Variants in ZKSCAN7 observed in about 807,000 individuals in gnomAD.
ZKSCAN7 encodes zinc finger protein with KRAB and SCAN domains 7.
A neutral mutation model predicts 65.3 loss-of-function variants in ZKSCAN7; 38 were observed. The ratio of observed to expected loss-of-function variants is 0.58; its 90% CI spans 0.45 to 0.76. The LOEUF is 0.76. Ranked by LOEUF, ZKSCAN7 falls within the 30% of genes least tolerant of loss-of-function variation. ZKSCAN7 has a pLI of 0.00. For synonymous variants in ZKSCAN7, 321 were observed against 321.0 expected, an observed-to-expected ratio of 1.00 and a Z score of 0.00; for missense variants, 815 against 913.3, an observed-to-expected ratio of 0.89 and a Z score of 1.39.
chr3:44,565,620 A>T lies in ZKSCAN7; in HGVS notation c.557A>T (p.Asp186Val), dbSNP rs1166265224. ...APGAHLEPPY[D>V]PGTHHLPSGD... Reference sequence around the variant, plus strand: ...GGAGCCCACCTGGAGCCTCCTTATGACCCAGGGACACACCACCTCCCCAGT... The same window carrying T: ...GGAGCCCACCTGGAGCCTCCTTATGTCCCAGGGACACACCACCTCCCCAGT... Residue 186 changes from aspartate (D) to valine (V), a missense_variant, in exon 3 of 6, where the codon GAC becomes GTC. Transcript: ENST00000426540. 4 of 1,608,902 alleles carry T rather than the reference A, an allele frequency of 2.5e-6. No homozygotes were observed. The highest frequency in any genetic ancestry group is 3.4e-6 in the Non-Finnish European group (4 of 1,177,950).
chr3:44,571,508 A>G lies in ZKSCAN7; in HGVS notation c.*133A>G. ...CTACTTGCTTTTCCTTGGATCACTA[A>G]GGTGGGAGAGTAGGAGTAACTTATT... On this transcript the variant is annotated 3_prime_UTR_variant, in exon 6 of 6. Transcript: ENST00000426540. The G allele has an allele frequency of 6.3e-7, 1 of 1,578,992 alleles. No individual in the cohort carries two copies. Among genetic ancestry groups the G allele is most frequent in the Non-Finnish European group, 8.6e-7 (1 of 1,167,146 alleles).
chr3:44,555,286 G>C lies in ZKSCAN7; in HGVS notation c.-314G>C, dbSNP rs1345365489. The C allele has an allele frequency of 6.6e-6, 1 of 152,294 alleles. No homozygotes were observed. The highest frequency in any genetic ancestry group is 2.4e-5 in the African/African-American group (1 of 41,478). 9.4% of individuals were successfully genotyped at this position (152,294 alleles called of 1,614,324 possible). A position where few individuals can be genotyped will look rare whatever the true frequency, so the allele number is the denominator to read the frequency against. ...CCGCGAGTGGGCCGAGACGCGGAGG[G>C]AGGCGCGGCCGGAGCTCGGGTCGCC... On this transcript the variant is annotated 5_prime_UTR_variant, in exon 1 of 6. Coordinates refer to ENST00000426540, the MANE Select transcript of ZKSCAN7 (RefSeq NM_001288590.2).
intron 5 of ZKSCAN7, chr3:44,580,085 G>A (rs990598127): frequency 1.5e-5 from 24 of 1,605,242 alleles, no homozygotes; most frequent in Non-Finnish European, 2.0e-5. Flanking sequence ...TGGTCTCCAT[G>A]TGCTCTGCCT....
chr3:44,578,604 C>G (rs554516842), intron 5 of ZKSCAN7, among the ~76,000 whole-genome samples: 69 of 152,346 alleles, frequency 4.5e-4, no homozygotes, highest in African/African-American at 1.6e-3. Context: ...TGCAGCTCCT[C>G]CAGGTACTGG....
intron 5 of ZKSCAN7, chr3:44,580,410 C>T (rs1700044304): frequency 1.2e-6 from 2 of 1,600,700 alleles, no homozygotes; most frequent in Non-Finnish European, 8.5e-7. Flanking sequence ...GTCCTTGGTC[C>T]TCATTTCTTC....
At chr3:44,581,234 A>ACCG (rs1559435551) in intron 5 of ZKSCAN7, among the ~76,000 whole-genome samples, 1 of 147,386 alleles carries the variant, frequency 6.8e-6, no homozygotes, top group African/African-American at 2.4e-5. Flanking sequence ...TCCCGCCCGC[A>ACCG]CCGCCGCCGC....
chr3:44,577,895 G>C (rs1020755478), intron 5 of ZKSCAN7, among the ~76,000 whole-genome samples: 1 of 152,146 alleles, frequency 6.6e-6, no homozygotes, highest in Admixed American at 6.5e-5. Context: ...GGGAAGGTGC[G>C]TGCTCAACTT....
rs1431726199 is a variant in ZKSCAN7, at chr3:44,570,887, C to T, written c.1777C>T (p.Gln593Ter). The part of the protein sequence containing the change: ...ECGKAFNQNS[Q>*]LIEHERIHTG... Reference sequence around the variant, plus strand: ...TGGGAAAGCCTTCAATCAGAACTCTCAACTCATTGAGCATGAGCGAATTCA... The same window carrying T: ...TGGGAAAGCCTTCAATCAGAACTCTTAACTCATTGAGCATGAGCGAATTCA... The change falls in exon 6 of 6, where the codon CAA becomes TAA. Residue 593 changes from glutamine (Q) to a stop codon, truncating the protein, a stop_gained. Transcript: ENST00000426540. LOFTEE classifies it high-confidence loss of function. The T allele has an allele frequency of 6.2e-7, 1 of 1,613,934 alleles. No individual in the cohort carries two copies. The highest frequency in any genetic ancestry group is 2.2e-5 in the East Asian group (1 of 44,852).
chr3:44,570,674 C>A lies in ZKSCAN7; in HGVS notation c.1564C>A (p.Pro522Thr). 6.2e-7 allele frequency: 1 copy of A among 1,613,996 alleles called. No homozygotes were observed. ...TCAGGTCCTGCACACTGGTAAGAAA[C>A]CTTACAAATGCAATGAGTGTGGGAG... ...RHQVLHTGKK[P>T]YKCNECGRAF... Residue 522 changes from proline (P) to threonine (T), a missense_variant, in exon 6 of 6, where the codon CCT becomes ACT. By Grantham distance (38) the Pro-to-Thr change is conservative. This residue lies in a region of ZKSCAN7 where 578 missense variants were observed against 629.5 expected (regional missense o/e 0.92). Coordinates refer to ENST00000426540, the MANE Select transcript of ZKSCAN7 (RefSeq NM_001288590.2).
chr3:44,582,622 T>C (rs549095599), intron 5 of ZKSCAN7, among the ~76,000 whole-genome samples: 1 of 152,194 alleles, frequency 6.6e-6, no homozygotes, highest in Admixed American at 6.5e-5. Context: ...ACTGAATGAA[T>C]AGATTTTTGT....
intron 5 of ZKSCAN7, among the ~76,000 whole-genome samples, chr3:44,569,442 T>C (rs939164183): frequency 2.6e-5 from 4 of 152,198 alleles, no homozygotes; most frequent in African/African-American, 9.7e-5. Flanking sequence ...AAATTTCCAG[T>C]CAATTCACTC....
Position 44,567,981 on chromosome 3 carries a change from T to G in ZKSCAN7, c.662T>G (p.Val221Gly), listed in dbSNP as rs1230154583. 8 of 1,446,984 alleles carry G rather than the reference T, an allele frequency of 5.5e-6. No individual in the cohort carries two copies. Among genetic ancestry groups the G allele is most frequent in the Non-Finnish European group, 4.7e-6 (5 of 1,061,988 alleles). 89.6% of individuals were successfully genotyped at this position (1,446,984 alleles called of 1,614,324 possible). The change falls in exon 4 of 6, where the codon GTA becomes GGA. Residue 221 changes from valine to glycine, a missense_variant. Val to Gly is a moderately radical substitution (Grantham distance 109). Coordinates refer to ENST00000426540, the MANE Select transcript of ZKSCAN7 (RefSeq NM_001288590.2). ...TCAGGAGACCAAGCAGGGGCAACTG[T>G]ACTTCGGATGGTCAGGCCCCAGGTG... ...GNSGDQAGAT[V>G]LRMVRPQDTV...
At chr3:44,573,609 T>C (rs535535714), downstream of ZKSCAN7, among the ~76,000 whole-genome samples, 12 of 152,346 alleles carry the variant, frequency 7.9e-5, no homozygotes, top group Non-Finnish European at 1.6e-4. Flanking sequence ...TTAGAAGATA[T>C]GCAGATAGGA....
chr3:44,572,849 C>CAAAAAAAA (rs11339297), downstream of ZKSCAN7, among the ~76,000 whole-genome samples: 5,792 of 72,170 alleles, frequency 0.08, 398 homozygotes, highest in Non-Finnish European at 0.11. Flanking sequence ...GACTCTGTCT[C>CAAAAAAAA]AAAAAAAAAA....
rs35327396 is a variant in ZKSCAN7 at position 44,566,796 on chromosome 3, C to CT, written c.593-1103dup. On this transcript the variant is annotated intron_variant, in intron 3 of 5. Transcript: ENST00000426540. ...TACAGGCATGCCACCATGACCAGCT[C>CT]TTTTTTTTTTTTTAACTTTTTATAG... Among the ~76,000 whole-genome samples the CT allele has an allele frequency of 7.5e-3, 1,077 of 143,832 alleles. 6 individuals are homozygous for CT. The highest frequency in any genetic ancestry group is 0.021 in the African/African-American group (817 of 39,350). 94.4% of individuals were successfully genotyped at this position (143,832 alleles called of 152,430 possible).
At chr3:44,578,089 C>T in intron 5 of ZKSCAN7, 1 of 1,578,682 alleles carries the variant, frequency 6.3e-7, no homozygotes, top group Non-Finnish European at 8.7e-7. Context: ...TATCCGGACA[C>T]CATGGCACTG....
chr3:44,574,213 G>A (rs1440052075), downstream of ZKSCAN7, among the ~76,000 whole-genome samples: 2 of 152,128 alleles, frequency 1.3e-5, no homozygotes, highest in African/African-American at 4.8e-5. Context: ...CCAGGCTCAG[G>A]TGATTCTCCC....
chr3:44,580,657 G>T (rs550521887), intron 5 of ZKSCAN7: 1 of 1,613,890 alleles, frequency 6.2e-7, no homozygotes, highest in Non-Finnish European at 8.5e-7. Context: ...TCCTTCTCAG[G>T]CGTCAGAATA....
chr3:44,582,907 CGT>C (rs4016043), intron 5 of ZKSCAN7: 48,839 of 351,396 alleles, frequency 0.14, 2,328 homozygotes, highest in Non-Finnish European at 0.18. Flanking sequence ...CATGAATATT[CGT>C]GTGTGTGTGT....
Sources: gnomAD v4.1 joint callset for allele counts (sites outside exome capture counted in the v4.1 genomes callset) on GRCh38, gnomAD v4.1.1 for gene constraint, gnomAD v4.1.1 regional missense constraint, MANE v1.5 for transcripts, NCBI Gene and HGNC (gene_info 2026-07-23, HGNC 2026-07-21) for gene names.